The following PRKN variants were observed in gnomAD, a reference collection of about 807,000 sequenced individuals.
PRKN encodes E3 ubiquitin-protein ligase parkin.
A neutral mutation model predicts 59.5 loss-of-function variants in PRKN; 56 were observed. That is an observed-to-expected ratio of 0.94 (90% CI 0.76 to 1.18). The LOEUF (loss-of-function observed/expected upper bound fraction) is 1.18, where lower values mean the gene tolerates loss of function less well. Ranked by LOEUF, PRKN falls within the 50% of genes most tolerant of loss-of-function variation. PRKN has a pLI of 0.00. For synonymous variants in PRKN, 250 were observed against 222.1 expected (o/e 1.13, Z -1.12); for missense variants, 657 against 596.4 (o/e 1.10, Z -1.06).
At chr6:162,560,644 G>A (rs1779794723) in intron 1 of PRKN, among the ~76,000 whole-genome samples, 1 of 151,948 alleles carries the variant, frequency 6.6e-6, no homozygotes, top group Non-Finnish European at 1.5e-5. Flanking sequence ...TCATTAAAAT[G>A]CACTACCCTA....
chr6:162,263,554 C>G (rs79268454), intron 2 of PRKN, among the ~76,000 whole-genome samples: 8,489 of 152,156 alleles, frequency 0.056, 268 homozygotes, highest in Non-Finnish European at 0.065. Context: ...CATATTGACA[C>G]GTAGGAACAG....
chr6:162,623,926 A>G (rs1484019494), intron 1 of PRKN, among the ~76,000 whole-genome samples: 2 of 152,156 alleles, frequency 1.3e-5, no homozygotes, highest in Non-Finnish European at 2.9e-5. Context: ...GGGTCCTGAG[A>G]TACCACAAAG....
chr6:162,114,291 T>C (rs1780571952), intron 4 of PRKN, among the ~76,000 whole-genome samples: 1 of 151,918 alleles, frequency 6.6e-6, no homozygotes, highest in Admixed American at 6.6e-5. Flanking sequence ...ATTGAATCTG[T>C]AAATTACCTT....
intron 10 of PRKN, among the ~76,000 whole-genome samples, chr6:161,374,406 TTATG>T (rs1156688905): frequency 2.0e-5 from 3 of 148,290 alleles, no homozygotes; most frequent in Admixed American, 6.7e-5. Flanking sequence ...GTGTGTATGT[TTATG>T]TGTGTGTGGT....
At chr6:162,172,991 G>C (rs1783358843) in intron 4 of PRKN, among the ~76,000 whole-genome samples, 1 of 152,152 alleles carries the variant, frequency 6.6e-6, no homozygotes, top group Non-Finnish European at 1.5e-5. Context: ...GAGATAAGGG[G>C]TCCTGGCCCC....
At chr6:161,951,681 C>T (rs1410813896) in intron 6 of PRKN, among the ~76,000 whole-genome samples, 5 of 152,060 alleles carry the variant, frequency 3.3e-5, no homozygotes, top group Admixed American at 6.6e-5. Context: ...TTCGGGAGGC[C>T]GAGGCGGGCA....
At chr6:162,288,174 T>C (rs1260359662) in intron 2 of PRKN, among the ~76,000 whole-genome samples, 1 of 152,146 alleles carries the variant, frequency 6.6e-6, no homozygotes, top group African/African-American at 2.4e-5. Flanking sequence ...AGCCAGGTGG[T>C]CCAGAGCCAC....
chr6:162,554,197 G>A (rs1779455724), intron 1 of PRKN, among the ~76,000 whole-genome samples: 6 of 152,194 alleles, frequency 3.9e-5, no homozygotes, highest in Admixed American at 3.9e-4. Context: ...TGTAAATAAT[G>A]AGTTGCCAAG....
At chr6:161,892,082 A>G (rs1795363788) in intron 6 of PRKN, among the ~76,000 whole-genome samples, 1 of 152,168 alleles carries the variant, frequency 6.6e-6, no homozygotes, top group Non-Finnish European at 1.5e-5. Context: ...AATCAGGCAA[A>G]CAATCCTCAC....
chr6:161,505,612 C>T (rs1326341685), intron 9 of PRKN, among the ~76,000 whole-genome samples: 1 of 151,870 alleles, frequency 6.6e-6, no homozygotes, highest in Non-Finnish European at 1.5e-5. Context: ...TGCCTATGTC[C>T]TGAATGGTAA....
Position 161,362,598 on chromosome 6 carries a change from T to C in PRKN, c.1168-2393A>G, listed in dbSNP as rs1291317922. On this transcript the variant is annotated intron_variant, in intron 10 of 11. Transcript: ENST00000366898. This position sits in a 1 kb window ranked among gnomAD's most constrained non-coding sequence, Gnocchi z 5.2. ...AGGCAGCAGGTTTGGAAAACATTTTTCTGAACATTCCTAACCATCAGGCCT... is the reference window on the plus strand; with the variant it reads ...AGGCAGCAGGTTTGGAAAACATTTTCCTGAACATTCCTAACCATCAGGCCT... 6.6e-6 allele frequency among the ~76,000 whole-genome samples: 1 copy of C among 152,222 alleles called. No individual in the cohort carries two copies. Among genetic ancestry groups the C allele is most frequent in the Non-Finnish European group, 1.5e-5 (1 of 68,046 alleles).
intron 1 of PRKN, among the ~76,000 whole-genome samples, chr6:162,457,073 T>A (rs1790910788): frequency 6.6e-6 from 1 of 152,216 alleles, no homozygotes. Context: ...GAGAACATGC[T>A]TATTGAGCAA....
At position 161,582,546 on chromosome 6, in the gene PRKN, C is replaced by T. The variant is rs1781378581; in HGVS notation, c.872-13130G>A. 6.6e-6 allele frequency among the ~76,000 whole-genome samples: 1 copy of T among 151,922 alleles called. No individual in the cohort carries two copies. Among genetic ancestry groups the T allele is most frequent in the Admixed American group, 6.6e-5 (1 of 15,264 alleles). On this transcript the variant is annotated intron_variant, in intron 7 of 11. Coordinates refer to ENST00000366898, the MANE Select transcript of PRKN (RefSeq NM_004562.3). This position sits in a 1 kb window ranked among gnomAD's most constrained non-coding sequence, Gnocchi z 4.4. ...GGTTCACGCCATTCTCCTGCCTCAG[C>T]CTCCCAAGCAGCTGGGACTACAGGC... is the stretch of plus-strand genomic sequence containing the variant.
intron 5 of PRKN, among the ~76,000 whole-genome samples, chr6:161,977,971 A>G (rs533090479): frequency 8.8e-4 from 133 of 151,368 alleles, no homozygotes; most frequent in Non-Finnish European, 1.5e-3. Context: ...ATTGCTTCTC[A>G]ATAATAACAC....
chr6:161,534,460 C>T (rs1415808891), intron 9 of PRKN, among the ~76,000 whole-genome samples: 3 of 152,296 alleles, frequency 2.0e-5, no homozygotes, highest in South Asian at 4.1e-4. Context: ...ACCCCACCAG[C>T]GGCCCCACAG....
chr6:162,657,414 A>G (rs1778683714), intron 1 of PRKN, among the ~76,000 whole-genome samples: 1 of 152,178 alleles, frequency 6.6e-6, no homozygotes, highest in Non-Finnish European at 1.5e-5. Flanking sequence ...TTAAAATCAA[A>G]GTTGAGTAAA....
At chr6:162,674,710 T>C (rs1779470200) in intron 1 of PRKN, among the ~76,000 whole-genome samples, 1 of 152,140 alleles carries the variant, frequency 6.6e-6, no homozygotes, top group Admixed American at 6.5e-5. Context: ...GTGTTTTAGA[T>C]ACTAGGATTA....
chr6:162,262,780 GGT>G lies in PRKN; in HGVS notation c.172-17_172-16del. 4.4e-6 allele frequency: 6 copies of G among 1,355,944 alleles called. No individual in the cohort carries two copies. The African/African-American group carries it at 6.6e-5, about 15-fold the overall frequency. The allele number at this position is 1,355,944 out of a possible 1,614,324, so 84.0% of individuals were successfully genotyped here. On this transcript the variant is annotated splice_polypyrimidine_tract_variant and intron_variant, in intron 2 of 11. Coordinates refer to ENST00000366898, the MANE Select transcript of PRKN (RefSeq NM_004562.3). ...AGGTCACAATTCTGTTTGGGAGCAA[GGT>G]AAAAAAAAAAAAAAAAAAAAAGGAA...
At chr6:161,760,836 A>G (rs546444958) in intron 7 of PRKN, among the ~76,000 whole-genome samples, 2 of 152,192 alleles carry the variant, frequency 1.3e-5, no homozygotes, top group Non-Finnish European at 2.9e-5. Flanking sequence ...ATGTTCCCTA[A>G]TATTTGTGCG....
Sources: allele counts gnomAD v4.1 joint callset (sites outside exome capture counted in the v4.1 genomes callset), GRCh38; gene constraint gnomAD v4.1.1; non-coding constraint Gnocchi (gnomAD v3.1); transcripts MANE v1.5; gene names NCBI Gene and HGNC (gene_info 2026-07-23, HGNC 2026-07-21).